PRRG1: variants seen among roughly 807,000 people sequenced by gnomAD.
The protein encoded by PRRG1 is proline rich and Gla domain 1, also known as transmembrane gamma-carboxyglutamic acid protein 1.
A neutral mutation model predicts 11.8 loss-of-function variants in PRRG1; 5 were observed. The observed-to-expected ratio is 0.42, with a 90% CI of 0.22 to 0.89. PRRG1 has a LOEUF of 0.89. Among genes scored for constraint, PRRG1 ranks in the 40% least tolerant of loss-of-function variants. The pLI, the probability that PRRG1 is intolerant of heterozygous loss-of-function variation, is 0.28. For synonymous variants in PRRG1, 66 were observed against 60.4 expected (o/e 1.09, Z -0.43); for missense variants, 155 against 166.1 (o/e 0.93, Z 0.37).
intron 1 of PRRG1, among the ~76,000 whole-genome samples, chrX:37,382,416 G>C (rs376149027): frequency 2.2e-4 from 24 of 110,976 alleles, no homozygotes; most frequent in African/African-American, 7.5e-4. Context: ...GATATACACA[G>C]CTATGTGTAT....
intron 1 of PRRG1, among the ~76,000 whole-genome samples, chrX:37,399,478 G>A (rs1556379519): frequency 9.1e-6 from 1 of 110,262 alleles, no homozygotes; most frequent in African/African-American, 3.3e-5. Context: ...GCTCCTGAAG[G>A]AAGCACTCAA....
chrX:37,355,947 A>G (rs1930220324), intron 1 of PRRG1, among the ~76,000 whole-genome samples: 1 of 112,289 alleles, frequency 8.9e-6, no homozygotes, highest in Non-Finnish European at 1.9e-5. Context: ...CCTTGCCGTA[A>G]GACTGCTATA....
At chrX:37,350,809 A>G (rs1042856986) in intron 1 of PRRG1, among the ~76,000 whole-genome samples, 6 of 110,006 alleles carry the variant, frequency 5.5e-5, no homozygotes, top group Non-Finnish European at 1.1e-4. Flanking sequence ...ACCCCGCCCA[A>G]CCCCCACCCC....
intron 2 of PRRG1, among the ~76,000 whole-genome samples, chrX:37,420,012 AAT>A (rs1374124324): frequency 2.7e-5 from 3 of 111,661 alleles, no homozygotes; most frequent in African/African-American, 9.8e-5. Context: ...CAGCTTGATA[AAT>A]ATCATTTTTT....
intron 2 of PRRG1, among the ~76,000 whole-genome samples, chrX:37,420,544 C>T (rs1307253837): frequency 1.8e-5 from 2 of 108,543 alleles, no homozygotes; most frequent in Non-Finnish European, 3.8e-5. Flanking sequence ...AAAAATAGGG[C>T]ACCTATGGCC....
At chrX:37,376,571 A>ATATATATATATATATATATC (rs1556372373) in intron 1 of PRRG1, among the ~76,000 whole-genome samples, 1 of 82,807 alleles carries the variant, frequency 1.2e-5, no homozygotes, top group Non-Finnish European at 2.4e-5. Flanking sequence ...ATATATATAT[A>ATATATATATATATATATATC]TGTGCTGAGG....
chrX:37,442,344 C>T, intron 3 of PRRG1: 3 of 463,432 alleles, frequency 6.5e-6, no homozygotes, highest in Non-Finnish European at 8.0e-6. Context: ...GTCCCATCTG[C>T]ATGCAGCTCA....
rs966207606 is a variant in PRRG1 at position 37,366,197 on chromosome X, A to G, written c.-42+16802A>G. ...CAATGCTTGACTGTAGTCTGACCCA[A>G]TTCTTGGTGAAATGCCCTGCAATTC... On this transcript the variant is annotated intron_variant, in intron 1 of 3. Coordinates refer to ENST00000378628, the MANE Select transcript of PRRG1 (RefSeq NM_001142395.2). Among the ~76,000 whole-genome samples, 3 of 112,002 alleles carry G rather than the reference A, an allele frequency of 2.7e-5. No homozygotes were observed. In the Admixed American group the frequency reaches 2.8e-4, roughly 11 times the overall value.
chrX:37,453,095 A>C lies in PRRG1; in HGVS notation c.172-41A>C, dbSNP rs113641042. 1.6e-4 allele frequency: 175 copies of C among 1,114,603 alleles called. 1 individual carries two copies. The African/African-American group carries it at 2.8e-3, about 18-fold the overall frequency. The allele number at this position is 1,114,603 out of a possible 1,213,427, so 91.9% of individuals were successfully genotyped here. On this transcript the variant is annotated intron_variant, in intron 3 of 3. Transcript: ENST00000378628. Reference sequence around the variant, plus strand: ...ATTCATCTGGTATTTTCCATCTTTTATTCATACTGATTTTCTATTTATTTT... The same window carrying C: ...ATTCATCTGGTATTTTCCATCTTTTCTTCATACTGATTTTCTATTTATTTT...
chrX:37,451,096 G>T (rs1374483684), intron 3 of PRRG1, among the ~76,000 whole-genome samples: 1 of 111,751 alleles, frequency 8.9e-6, no homozygotes, highest in African/African-American at 3.3e-5. Flanking sequence ...CGGCTCACCC[G>T]CAACCTCCGC....
intron 3 of PRRG1, among the ~76,000 whole-genome samples, chrX:37,431,756 A>G (rs114421176): frequency 0.044 from 4,902 of 111,143 alleles, 268 homozygotes; most frequent in African/African-American, 0.15. Context: ...AGTGTGAACA[A>G]TGTTTTTTTG....
chrX:37,438,429 CCT>C (rs1491118829), intron 3 of PRRG1, among the ~76,000 whole-genome samples: 2 of 96,745 alleles, frequency 2.1e-5, no homozygotes, highest in African/African-American at 7.8e-5. Flanking sequence ...AGAATTTTTT[CCT>C]TTTTTTTTTT....
At chrX:37,436,373 T>C (rs949792517) in intron 3 of PRRG1, among the ~76,000 whole-genome samples, 3 of 112,388 alleles carry the variant, frequency 2.7e-5, no homozygotes, top group African/African-American at 9.7e-5. Context: ...TGTCACCATT[T>C]AAATTTGTTT....
intron 1 of PRRG1, among the ~76,000 whole-genome samples, chrX:37,370,384 C>T (rs1446259803): frequency 1.8e-5 from 2 of 111,880 alleles, no homozygotes; most frequent in Non-Finnish European, 3.8e-5. Flanking sequence ...CAGTGGCCCA[C>T]CTAGAGCAGT....
At chrX:37,354,152 C>T (rs1417190576) in intron 1 of PRRG1, among the ~76,000 whole-genome samples, 1 of 110,866 alleles carries the variant, frequency 9.0e-6, no homozygotes, top group Non-Finnish European at 1.9e-5. Flanking sequence ...ATTTCTGGAC[C>T]CCATACCCAA....
At position 37,441,550 on chromosome X, in the gene PRRG1, C is replaced by T. The variant is rs1017678214; in HGVS notation, c.172-11586C>T. The T allele has an allele frequency of 5.4e-5, 41 of 762,163 alleles. No individual in the cohort carries two copies. In the African/African-American group the frequency reaches 9.0e-4, roughly 17 times the overall value. 62.8% of individuals were successfully genotyped at this position (762,163 alleles called of 1,213,427 possible). ...GGCCACCACCCCAGTGTTGCAGGTGCGTCAGAACTACCACCCCAACTGCGA... is the reference window on the plus strand; with the variant it reads ...GGCCACCACCCCAGTGTTGCAGGTGTGTCAGAACTACCACCCCAACTGCGA... On this transcript the variant is annotated intron_variant, in intron 3 of 3. Transcript: ENST00000378628.
At chrX:37,350,343 T>C (rs1445685246) in intron 1 of PRRG1, among the ~76,000 whole-genome samples, 1 of 111,778 alleles carries the variant, frequency 8.9e-6, no homozygotes, top group Admixed American at 9.4e-5. Context: ...GTGACAAAAC[T>C]TAGAGCTTAA....
Position 37,456,553 on chromosome X carries a change from T to C in PRRG1, c.*2932T>C, listed in dbSNP as rs1556398409. On this transcript the variant is annotated 3_prime_UTR_variant, in exon 4 of 4. Coordinates refer to ENST00000378628, the MANE Select transcript of PRRG1 (RefSeq NM_001142395.2). ...CATGGTGGCTGTTGCATGATAATGA[T>C]AGGATAAACAAAATACCACTGTCTT... is the stretch of plus-strand genomic sequence containing the variant. The C allele has an allele frequency of 8.9e-6, 1 of 112,122 alleles. No individual in the cohort carries two copies. The highest frequency in any genetic ancestry group is 9.4e-5 in the Admixed American group (1 of 10,586). The allele number at this position is 112,122 out of a possible 1,213,427, so 9.2% of individuals were successfully genotyped here.
intron 1 of PRRG1, among the ~76,000 whole-genome samples, chrX:37,382,419 A>G (rs1160528108): frequency 3.6e-5 from 4 of 111,245 alleles, no homozygotes; most frequent in African/African-American, 9.8e-5. Context: ...ATACACAGCT[A>G]TGTGTATATC....
Sources: allele counts gnomAD v4.1 joint callset (sites outside exome capture counted in the v4.1 genomes callset), GRCh38; gene constraint gnomAD v4.1.1; transcripts MANE v1.5; gene names NCBI Gene and HGNC (gene_info 2026-07-23, HGNC 2026-07-21).